NIPBL: variants seen among roughly 807,000 people sequenced by gnomAD.
NIPBL encodes nipped-B-like protein.
NIPBL carries 19 observed loss-of-function variants against 321.8 expected under a neutral mutation model. The observed-to-expected ratio is 0.06, with a 90% CI of 0.04 to 0.09. The LOEUF (loss-of-function observed/expected upper bound fraction) is 0.09. NIPBL is among the 10% of genes least tolerant of loss of function. NIPBL has a pLI of 1.00. For missense variants in NIPBL, 2,210 were observed against 3,327.0 expected (o/e 0.66, Z 8.26); for synonymous variants, 1,106 against 1,114.1 (o/e 0.99, Z 0.14).
intron 1 of NIPBL, among the ~76,000 whole-genome samples, chr5:36,879,083 G>A (rs1269652237): frequency 6.6e-6 from 1 of 152,002 alleles, no homozygotes; most frequent in Non-Finnish European, 1.5e-5. Flanking sequence ...AGGTGGTAAG[G>A]GCTTCATTAT....
intron 11 of NIPBL, among the ~76,000 whole-genome samples, chr5:36,998,418 T>C (rs1174760939): frequency 1.3e-5 from 2 of 152,264 alleles, no homozygotes; most frequent in East Asian, 3.9e-4. Context: ...ACTATAAGAT[T>C]CTTCAAGCAT....
At chr5:37,021,743 A>T (rs1241198739) in intron 27 of NIPBL, among the ~76,000 whole-genome samples, 1 of 152,222 alleles carries the variant, frequency 6.6e-6, no homozygotes, top group Non-Finnish European at 1.5e-5. Context: ...ATGATACTAA[A>T]TATCTTTGAT....
At chr5:36,897,094 C>G (rs1487872286) in intron 1 of NIPBL, among the ~76,000 whole-genome samples, 1 of 152,034 alleles carries the variant, frequency 6.6e-6, no homozygotes, top group East Asian at 1.9e-4. Flanking sequence ...CCTCCACTTC[C>G]CAGGTTCAGG....
chr5:37,033,686 A>ACG (rs200930106), intron 32 of NIPBL, among the ~76,000 whole-genome samples: 389 of 30,478 alleles, frequency 0.013, 12 homozygotes, highest in African/African-American at 0.075. Flanking sequence ...ATATGTACAT[A>ACG]CACACACACA....
At chr5:37,002,004 G>A (rs1746865895) in intron 14 of NIPBL, among the ~76,000 whole-genome samples, 1 of 151,784 alleles carries the variant, frequency 6.6e-6, no homozygotes, top group Admixed American at 6.6e-5. Context: ...TATCATTTAG[G>A]GTCCAAAAGT....
chr5:37,065,810 CTA>C lies in NIPBL; in HGVS notation c.*921_*922del, dbSNP rs906780520. The C allele has an allele frequency of 6.6e-6, 1 of 152,512 alleles. No homozygotes were observed. Among genetic ancestry groups the C allele is most frequent in the Non-Finnish European group, 1.5e-5 (1 of 67,992 alleles). 9.4% of individuals were successfully genotyped at this position (152,512 alleles called of 1,614,324 possible). ...GAGTACATTTTGATATAAAAAGAAA[CTA>C]TAGTTTATTCCTTGTATGCTTCAAT... On this transcript the variant is annotated 3_prime_UTR_variant, in exon 47 of 47. Coordinates refer to ENST00000282516, the MANE Select transcript of NIPBL (RefSeq NM_133433.4).
At chr5:36,952,971 A>T (rs1047878811) in intron 1 of NIPBL, among the ~76,000 whole-genome samples, 1 of 152,212 alleles carries the variant, frequency 6.6e-6, no homozygotes, top group African/African-American at 2.4e-5. Context: ...TTGAGGTTTC[A>T]TGAAATCGTG....
intron 30 of NIPBL, among the ~76,000 whole-genome samples, chr5:37,025,029 G>A (rs1750099035): frequency 6.6e-6 from 1 of 152,060 alleles, no homozygotes; most frequent in Non-Finnish European, 1.5e-5. Flanking sequence ...GCCAGGAGTT[G>A]GAGATCAGCC....
At chr5:36,995,960 G>A (rs745697768) in intron 11 of NIPBL, among the ~76,000 whole-genome samples, 156 bp downstream of exon 11, 2 of 151,914 alleles carry the variant, frequency 1.3e-5, no homozygotes, top group African/African-American at 4.8e-5. Context: ...TTAAAAATGC[G>A]TGAAAGATGA....
intron 29 of NIPBL, among the ~76,000 whole-genome samples, chr5:37,023,661 ATTC>A (rs1749910454): frequency 6.6e-6 from 1 of 150,848 alleles, no homozygotes; most frequent in Non-Finnish European, 1.5e-5. Context: ...ATGTTTTTTC[ATTC>A]TTCTTTTTTA....
intron 2 of NIPBL, among the ~76,000 whole-genome samples, chr5:36,955,196 T>C (rs576961447): frequency 2.6e-5 from 4 of 152,342 alleles, no homozygotes; most frequent in East Asian, 3.9e-4. Context: ...CCTTTTTCGC[T>C]AGTCATTTGT....
chr5:37,045,396 T>A, intron 36 of NIPBL, 47 bp from the exon 37 acceptor site: 2 of 1,395,224 alleles, frequency 1.4e-6, no homozygotes, highest in Non-Finnish European at 2.0e-6. Context: ...TTGAACTTAG[T>A]AATTCAAAGA....
At chr5:36,905,640 TA>T (rs1412527571) in intron 1 of NIPBL, among the ~76,000 whole-genome samples, 2 of 152,332 alleles carry the variant, frequency 1.3e-5, no homozygotes, top group African/African-American at 4.8e-5. Context: ...TGGTTTAATT[TA>T]TTTTCAATAA....
intron 32 of NIPBL, among the ~76,000 whole-genome samples, chr5:37,034,468 A>T (rs780364530): frequency 1.3e-5 from 2 of 152,202 alleles, no homozygotes; most frequent in Non-Finnish European, 2.9e-5. Context: ...TAAAATTGGG[A>T]TTAACCTATC....
chr5:36,960,533 C>T (rs949350302), intron 4 of NIPBL, among the ~76,000 whole-genome samples: 4 of 152,108 alleles, frequency 2.6e-5, no homozygotes, highest in Non-Finnish European at 4.4e-5. Flanking sequence ...GACTTAGAGG[C>T]GATTTTGAAA....
At position 36,985,649 on chromosome 5, in the gene NIPBL, A is replaced by C. The variant is rs293756; in HGVS notation, c.2469A>C (p.Lys823Asn). The C allele has an allele frequency of 3.1e-6, 5 of 1,613,948 alleles. No homozygotes were observed. Among genetic ancestry groups the C allele is most frequent in the Non-Finnish European group, 1.7e-6 (2 of 1,179,976 alleles). Residue 823 changes from lysine to asparagine, a missense_variant, in exon 10 of 47, where the codon AAA becomes AAC. Physicochemically the swap from Lys to Asn is moderately conservative, Grantham distance 94 (BLOSUM62 0). Around this residue, in one of 14 missense-constraint regions of NIPBL, gnomAD observed 588 missense variants for 564.1 expected, o/e 1.04. Coordinates refer to ENST00000282516, the MANE Select transcript of NIPBL (RefSeq NM_133433.4). ...SLRRDHDNKQ[K>N]SDDRGESERH... Reference sequence around the variant, plus strand: ...GACGTGACCATGATAATAAACAAAAATCAGATGACAGGGGTGAATCAGAGC... The same window carrying C: ...GACGTGACCATGATAATAAACAAAACTCAGATGACAGGGGTGAATCAGAGC...
At chr5:36,887,624 ACC>A (rs1746015920) in intron 1 of NIPBL, among the ~76,000 whole-genome samples, 1 of 152,068 alleles carries the variant, frequency 6.6e-6, no homozygotes, top group Admixed American at 6.6e-5. Context: ...TTGCTCCTCT[ACC>A]TACCCCTTTA....
chr5:36,886,037 A>C (rs1745878146), intron 1 of NIPBL: 2 of 714,308 alleles, frequency 2.8e-6, no homozygotes, highest in South Asian at 2.8e-5. Context: ...TGAGGAGAGC[A>C]CCACAGTGGT....
At chr5:37,029,385 T>A (rs2149708628) in intron 32 of NIPBL, among the ~76,000 whole-genome samples, 1 of 152,340 alleles carries the variant, frequency 6.6e-6, no homozygotes, top group African/African-American at 2.4e-5. Flanking sequence ...GATTCATTCT[T>A]GTTGCTAATA....
Sources: allele counts gnomAD v4.1 joint callset (sites outside exome capture counted in the v4.1 genomes callset), GRCh38; gene constraint gnomAD v4.1.1; regional missense constraint gnomAD v4.1.1; transcripts MANE v1.5; gene names NCBI Gene and HGNC (gene_info 2026-07-23, HGNC 2026-07-21).